DCHS2: variants seen among roughly 807,000 people sequenced by gnomAD.
DCHS2 encodes the protein protocadherin-23.
A neutral mutation model predicts 182.4 loss-of-function variants in DCHS2; 142 were observed. That is an observed-to-expected ratio of 0.78 (90% CI 0.68 to 0.89). DCHS2 has a LOEUF of 0.89. Ranked by LOEUF, DCHS2 falls within the 40% of genes least tolerant of loss-of-function variation. DCHS2 has a pLI of 0.00. For missense variants in DCHS2, 4,319 were observed against 4,198.6 expected (o/e 1.03, Z -0.79); for synonymous variants, 1,740 against 1,663.3 (o/e 1.05, Z -1.12).
Position 154,377,248 on chromosome 4 carries a change from C to A in DCHS2, c.2244+5G>T. ...TTAAAATAAACTTCATACATAAAAA[C>A]TTACCCCATCCTTAGCTTCCACCAG... On this transcript the variant is annotated splice_donor_5th_base_variant and intron_variant, in intron 2 of 19. Coordinates refer to ENST00000357232, the MANE Select transcript of DCHS2 (RefSeq NM_001358235.2). 1.2e-6 allele frequency: 2 copies of A among 1,612,346 alleles called. No individual in the cohort carries two copies. Among genetic ancestry groups the A allele is most frequent in the Non-Finnish European group, 1.7e-6 (2 of 1,179,150 alleles).
At chr4:154,403,853 C>A (rs1380472478) in intron 1 of DCHS2, among the ~76,000 whole-genome samples, 1 of 151,962 alleles carries the variant, frequency 6.6e-6, no homozygotes, top group Non-Finnish European at 1.5e-5. Flanking sequence ...GTTATTTGTC[C>A]ATTTCATGTA....
chr4:154,392,193 T>A (rs1379469401), intron 1 of DCHS2, among the ~76,000 whole-genome samples: 1 of 152,150 alleles, frequency 6.6e-6, no homozygotes, highest in Non-Finnish European at 1.5e-5. Flanking sequence ...GAGAGCTGGT[T>A]GTTGATTTTT....
At chr4:154,319,865 T>C (rs1422108371) in intron 9 of DCHS2, among the ~76,000 whole-genome samples, 1 of 152,106 alleles carries the variant, frequency 6.6e-6, no homozygotes, top group East Asian at 1.9e-4. Context: ...AATCAGGATC[T>C]TGAAGAGAGA....
Position 154,490,476 on chromosome 4 carries a change from GC to G in DCHS2, c.879del (p.Pro294ArgfsTer68). The G allele has an allele frequency of 6.5e-7, 1 of 1,536,704 alleles. No homozygotes were observed. The highest frequency in any genetic ancestry group is 1.7e-4 in the Middle Eastern group (1 of 5,982). On this transcript the variant is annotated frameshift_variant, in exon 1 of 20. Coordinates refer to ENST00000357232, the MANE Select transcript of DCHS2 (RefSeq NM_001358235.2). LOFTEE classifies it high-confidence loss of function. ...ELRVLDENDNPPVFEQDEYRA... is the reference protein window; with the variant it reads ...ELRVLDENDNXPVFEQDEYRA... ...CGGTACTCGTCCTGCTCAAAGACCG[GC>G]GGGTTGTCGTTCTCATCCAGCACGC...
rs9790769 is a variant in DCHS2, at chr4:154,239,246, T to A, written c.7416A>T (p.Thr2472=). The A allele has an allele frequency of 3.7e-6, 6 of 1,613,572 alleles. No homozygotes were observed. The highest frequency in any genetic ancestry group is 5.1e-6 in the Non-Finnish European group (6 of 1,179,718). Residue 2472 remains threonine, a synonymous_variant, in exon 19 of 20, where the codon ACA becomes ACT. Coordinates refer to ENST00000357232, the MANE Select transcript of DCHS2 (RefSeq NM_001358235.2). ...AAATGTTCTCATTGCTTTCTAAGTC[T>A]GTGGCTGACAGAGTCAGCACTGAAT... ...VGYSVLTLSA[T]DLESNENISY...
chr4:154,292,012 T>C (rs1017928650), intron 13 of DCHS2, among the ~76,000 whole-genome samples: 2 of 152,188 alleles, frequency 1.3e-5, no homozygotes, highest in Non-Finnish European at 2.9e-5. Context: ...CCATTTAGCC[T>C]GATGTGATTA....
chr4:154,285,493 G>A (rs1201353448), intron 13 of DCHS2, among the ~76,000 whole-genome samples: 1 of 152,168 alleles, frequency 6.6e-6, no homozygotes, highest in African/African-American at 2.4e-5. Flanking sequence ...AAGGCAGAGG[G>A]GAGCCTACTG....
At chr4:154,401,175 C>A (rs1414074649) in intron 1 of DCHS2, among the ~76,000 whole-genome samples, 2 of 152,072 alleles carry the variant, frequency 1.3e-5, no homozygotes, top group Non-Finnish European at 1.5e-5. Context: ...TTTTTTGATT[C>A]TTTTTTCATT....
At chr4:154,461,160 C>G (rs1022282216) in intron 1 of DCHS2, among the ~76,000 whole-genome samples, 1 of 152,194 alleles carries the variant, frequency 6.6e-6, no homozygotes, top group Non-Finnish European at 1.5e-5. Context: ...CTGACCCATA[C>G]TAAGCAATAG....
rs1013951353 is a variant in DCHS2, at chr4:154,467,581, A to C, written c.2052+21723T>G. Among the ~76,000 whole-genome samples the C allele has an allele frequency of 1.5e-4, 23 of 152,170 alleles. 1 individual carries two copies. The highest frequency in any genetic ancestry group is 1.1e-3 in the Admixed American group (17 of 15,278). ...TGCAGAAATGTCAAAAGTTTAAACA[A>C]TGTTTGTAATTTTACCAAGAACAAA... On this transcript the variant is annotated intron_variant, in intron 1 of 19. Coordinates refer to ENST00000357232, the MANE Select transcript of DCHS2 (RefSeq NM_001358235.2).
At chr4:154,463,885 T>C (rs1403431686) in intron 1 of DCHS2, among the ~76,000 whole-genome samples, 2 of 152,178 alleles carry the variant, frequency 1.3e-5, no homozygotes, top group African/African-American at 2.4e-5. Flanking sequence ...GCTTATTTAC[T>C]TCTTTACTAA....
intron 3 of DCHS2, among the ~76,000 whole-genome samples, chr4:154,353,579 A>G (rs1236168400): frequency 1.3e-5 from 2 of 152,234 alleles, no homozygotes; most frequent in Non-Finnish European, 2.9e-5. Flanking sequence ...TATCAGAGAC[A>G]TGATGACCCC....
intron 1 of DCHS2, chr4:154,391,268 C>T: frequency 4.4e-6 from 7 of 1,606,076 alleles, no homozygotes; most frequent in African/African-American, 1.3e-5. Context: ...CGTCTTCATT[C>T]TCTGATTTCG....
intron 1 of DCHS2, among the ~76,000 whole-genome samples, chr4:154,451,567 C>T (rs1051840783): frequency 2.0e-5 from 3 of 152,164 alleles, no homozygotes; most frequent in Non-Finnish European, 2.9e-5. Flanking sequence ...CAACTACAAC[C>T]TTATGGGAGA....
rs542964550 is a variant in DCHS2 at position 154,375,334 on chromosome 4, T to C, written c.2244+1919A>G. Among the ~76,000 whole-genome samples the C allele has an allele frequency of 5.7e-4, 86 of 152,192 alleles. No homozygotes were observed. The South Asian group carries it at 0.012, about 22-fold the overall frequency. On this transcript the variant is annotated intron_variant, in intron 2 of 19. Transcript: ENST00000357232. The stretch of plus-strand genomic sequence containing the variant: ...CAAACTGAGAAACTACTAAGCTCTA[T>C]TATAATGAAGAACTTCTGTTCCTCA...
At chr4:154,480,478 T>C (rs1482829813) in intron 1 of DCHS2, among the ~76,000 whole-genome samples, 7 of 152,208 alleles carry the variant, frequency 4.6e-5, no homozygotes, top group Non-Finnish European at 7.3e-5. Context: ...TCTTTCTTCT[T>C]AGCTATTCTC....
intron 1 of DCHS2, among the ~76,000 whole-genome samples, chr4:154,437,411 C>G (rs1340436515): frequency 6.6e-6 from 1 of 152,140 alleles, no homozygotes; most frequent in Non-Finnish European, 1.5e-5. Context: ...CTACTGAAAG[C>G]CTAAAACAAA....
chr4:154,372,658 A>G (rs1730696495), intron 2 of DCHS2, among the ~76,000 whole-genome samples: 1 of 152,234 alleles, frequency 6.6e-6, no homozygotes, highest in Admixed American at 6.5e-5. Context: ...AGATATAAGC[A>G]TGGAATAATT....
intron 1 of DCHS2, among the ~76,000 whole-genome samples, chr4:154,454,663 T>A (rs993915901): frequency 2.6e-5 from 4 of 152,140 alleles, no homozygotes; most frequent in Non-Finnish European, 4.4e-5. Flanking sequence ...TTTTTAGTCT[T>A]TCCAAGTTCT....
Sources: gnomAD v4.1 joint callset for allele counts (sites outside exome capture counted in the v4.1 genomes callset) on GRCh38, gnomAD v4.1.1 for gene constraint, MANE v1.5 for transcripts, NCBI Gene and HGNC (gene_info 2026-07-23, HGNC 2026-07-21) for gene names.